GPM6B: variants seen among roughly 807,000 people sequenced by gnomAD.
GPM6B encodes the protein glycoprotein M6B.
A neutral mutation model predicts 27.2 loss-of-function variants in GPM6B; 4 were observed. The ratio of observed to expected loss-of-function variants is 0.15; its 90% CI spans 0.07 to 0.34. The LOEUF (loss-of-function observed/expected upper bound fraction) is 0.34, where lower values mean the gene tolerates loss of function less well. Among genes scored for constraint, GPM6B ranks in the 10% least tolerant of loss-of-function variants. GPM6B has a pLI of 1.00. For missense variants in GPM6B, 183 were observed against 261.9 expected (o/e 0.70, Z 2.08); for synonymous variants, 124 against 103.1 (o/e 1.20, Z -1.23).
intron 1 of GPM6B, among the ~76,000 whole-genome samples, chrX:13,833,180 A>G (rs1002183634): frequency 8.9e-6 from 1 of 111,888 alleles, no homozygotes; most frequent in Non-Finnish European, 1.9e-5. Context: ...ATCCACTCGC[A>G]TTAACCCATA....
intron 1 of GPM6B, among the ~76,000 whole-genome samples, chrX:13,896,058 G>A (rs2050230084): frequency 1.0e-5 from 1 of 98,128 alleles, no homozygotes; most frequent in African/African-American, 3.7e-5. Flanking sequence ...GGGAGGCTGA[G>A]GCAGGAGGAT....
chrX:13,821,977 A>G (rs1416018111), upstream of GPM6B, among the ~76,000 whole-genome samples: 2 of 111,843 alleles, frequency 1.8e-5, no homozygotes, highest in Non-Finnish European at 3.8e-5. Context: ...ATACTGACAC[A>G]TCCTTATCCT....
At chrX:13,876,580 G>A (rs1392814766) in intron 1 of GPM6B, among the ~76,000 whole-genome samples, 1 of 111,987 alleles carries the variant, frequency 8.9e-6, no homozygotes, top group Non-Finnish European at 1.9e-5. Flanking sequence ...AGAGGCCACT[G>A]TGCAGGGCAG....
Position 13,831,853 on chromosome X carries a change from A to G in GPM6B, c.-197-46045T>C, listed in dbSNP as rs147331913. ...ACCATTACAAAGATATTTTATAATA[A>G]AATTCAGGCTCTGTTATCTGCTTGG... On this transcript the variant is annotated intron_variant, in intron 1 of 6. Transcript: ENST00000398361. Among the ~76,000 whole-genome samples the G allele has an allele frequency of 4.9e-3, 552 of 111,738 alleles. 6 individuals are homozygous for G. Among genetic ancestry groups the G allele is most frequent in the African/African-American group, 0.017 (525 of 30,805 alleles).
chrX:13,800,170 G>C (rs1340996035), intron 2 of GPM6B, among the ~76,000 whole-genome samples: 1 of 111,597 alleles, frequency 9.0e-6, no homozygotes, highest in African/African-American at 3.3e-5. Context: ...TAGCTATGGA[G>C]AGCCCACACA....
chrX:13,894,887 C>A (rs939066517), intron 1 of GPM6B, among the ~76,000 whole-genome samples: 3 of 111,895 alleles, frequency 2.7e-5, no homozygotes, highest in African/African-American at 9.7e-5. Context: ...AAGCAGGCCT[C>A]CCATACACTC....
At chrX:13,854,821 C>T (rs2049761487) in intron 1 of GPM6B, among the ~76,000 whole-genome samples, 1 of 111,948 alleles carries the variant, frequency 8.9e-6, no homozygotes, top group Non-Finnish European at 1.9e-5. Context: ...AACCTAAATT[C>T]TTCAAAGCTT....
At chrX:13,930,279 C>T (rs941628288) in intron 1 of GPM6B, among the ~76,000 whole-genome samples, 2 of 111,408 alleles carry the variant, frequency 1.8e-5, no homozygotes, top group Admixed American at 9.5e-5. Flanking sequence ...AAATATTGAT[C>T]AAGAAAAATA....
chrX:13,778,674 G>C (rs930199619), intron 5 of GPM6B, among the ~76,000 whole-genome samples: 1 of 111,893 alleles, frequency 8.9e-6, no homozygotes, highest in African/African-American at 3.2e-5. Context: ...CAATAAATAG[G>C]CAAATATAGA....
intron 1 of GPM6B, among the ~76,000 whole-genome samples, chrX:13,873,563 T>C (rs1180737547): frequency 8.9e-6 from 1 of 112,209 alleles, no homozygotes; most frequent in African/African-American, 3.2e-5. Context: ...CATTTTATGC[T>C]ATGCAAATTT....
intron 1 of GPM6B, among the ~76,000 whole-genome samples, chrX:13,883,437 C>G (rs1163625212): frequency 1.2e-4 from 1 of 8,043 alleles, no homozygotes; most frequent in Non-Finnish European, 2.4e-4. Flanking sequence ...GGGCTAATCC[C>G]AAATGAGAAG....
At chrX:13,778,573 C>T (rs1447386786) in intron 5 of GPM6B, among the ~76,000 whole-genome samples, 1 of 111,741 alleles carries the variant, frequency 8.9e-6, no homozygotes, top group Non-Finnish European at 1.9e-5. Context: ...ATCCTTATTC[C>T]TTTCATCCTT....
chrX:13,846,913 T>C (rs774841391), intron 1 of GPM6B, among the ~76,000 whole-genome samples: 24 of 108,558 alleles, frequency 2.2e-4, no homozygotes, highest in Non-Finnish European at 1.9e-5. Flanking sequence ...AATCACTTCT[T>C]GGCCTCGTCT....
At position 13,914,505 on chromosome X, in the gene GPM6B, C is replaced by T. The variant is rs776850160; in HGVS notation, c.-198+23822G>A. On this transcript the variant is annotated intron_variant, in intron 1 of 6. Transcript: ENST00000398361. The stretch of plus-strand genomic sequence containing the variant: ...ATGAGCAGGGATGTGAAGGTGATTG[C>T]AGGAACTGCAGCAGCTGTCTTAGAT... Among the ~76,000 whole-genome samples, 4 of 112,544 alleles carry T rather than the reference C, an allele frequency of 3.6e-5. No homozygotes were observed. The East Asian group carries it at 8.4e-4, about 24-fold the overall frequency.
chrX:13,844,557 A>G (rs950950633), intron 1 of GPM6B, among the ~76,000 whole-genome samples: 7 of 112,402 alleles, frequency 6.2e-5, no homozygotes, highest in African/African-American at 2.3e-4. Context: ...TTGAACAAAT[A>G]GCATCAAAAT....
At chrX:13,795,956 C>G (rs958342227) in intron 2 of GPM6B, among the ~76,000 whole-genome samples, 1 of 109,305 alleles carries the variant, frequency 9.1e-6, no homozygotes, top group Admixed American at 9.8e-5. Context: ...GATGGAGTTT[C>G]ACTCTTGTTG....
intron 1 of GPM6B, among the ~76,000 whole-genome samples, chrX:13,896,012 G>A (rs752052301): frequency 9.4e-5 from 9 of 96,197 alleles, no homozygotes; most frequent in South Asian, 5.6e-4. Context: ...TTAATTAACC[G>A]TGTGTGGTGG....
At chrX:13,837,962 CCTT>C (rs1440770992) in intron 1 of GPM6B, among the ~76,000 whole-genome samples, 7 of 110,812 alleles carry the variant, frequency 6.3e-5, no homozygotes, top group Non-Finnish European at 1.1e-4. Flanking sequence ...ACCCTAAACT[CCTT>C]CTCTCATCTT....
At chrX:13,886,692 C>T (rs747468427) in intron 1 of GPM6B, among the ~76,000 whole-genome samples, 1 of 86,140 alleles carries the variant, frequency 1.2e-5, no homozygotes, top group East Asian at 4.1e-4. Context: ...CTCCTAAGTG[C>T]CACCTCTCTC....
Sources: gnomAD v4.1 joint callset for allele counts (sites outside exome capture counted in the v4.1 genomes callset) on GRCh38, gnomAD v4.1.1 for gene constraint, MANE v1.5 for transcripts, NCBI Gene and HGNC (gene_info 2026-07-23, HGNC 2026-07-21) for gene names.